Variants in SETBP1 observed in about 807,000 individuals in gnomAD.
SETBP1 encodes the protein SET-binding protein.
SETBP1 carries 9 observed loss-of-function variants against 101.0 expected under a neutral mutation model. The observed-to-expected ratio is 0.09, with a 90% CI of 0.05 to 0.16. SETBP1 has a LOEUF of 0.16. SETBP1 is among the 10% of genes least tolerant of loss of function. SETBP1 has a pLI of 1.00. For missense variants in SETBP1, 1,858 were observed against 2,033.8 expected, an observed-to-expected ratio of 0.91 and a Z score of 1.66; for synonymous variants, 818 against 788.5, an observed-to-expected ratio of 1.04 and a Z score of -0.63.
intron 2 of SETBP1, among the ~76,000 whole-genome samples, chr18:44,866,815 A>T (rs1043303310): frequency 2.4e-4 from 37 of 152,222 alleles, no homozygotes; most frequent in African/African-American, 7.2e-4. Context: ...ATAAATTCAG[A>T]TGGATAAATG....
intron 5 of SETBP1, among the ~76,000 whole-genome samples, chr18:45,043,495 G>C (rs757929307): frequency 1.3e-5 from 2 of 151,412 alleles, no homozygotes; most frequent in Non-Finnish European, 2.9e-5. Flanking sequence ...TCAACTGCTC[G>C]AGGTGTAGCT....
chr18:44,773,793 C>CCTCTCTCT (rs377709717), intron 2 of SETBP1, among the ~76,000 whole-genome samples: 42 of 133,246 alleles, frequency 3.2e-4, no homozygotes, highest in Non-Finnish European at 6.1e-4. Flanking sequence ...TCTCAACCAG[C>CCTCTCTCT]CTCTCTCTCT....
intron 2 of SETBP1, among the ~76,000 whole-genome samples, chr18:44,848,108 C>G (rs995750603): frequency 2.7e-5 from 4 of 145,978 alleles, no homozygotes; most frequent in African/African-American, 1.0e-4. Flanking sequence ...TGTGTGTAAC[C>G]TATGTAAATC....
At chr18:44,882,979 G>A (rs1326522032) in intron 3 of SETBP1, among the ~76,000 whole-genome samples, 2 of 152,162 alleles carry the variant, frequency 1.3e-5, no homozygotes, top group African/African-American at 2.4e-5. Context: ...CTGGGGACAG[G>A]AAAGACTCTC....
intron 2 of SETBP1, among the ~76,000 whole-genome samples, chr18:44,736,286 G>A (rs2069965200): frequency 6.6e-6 from 1 of 152,188 alleles, no homozygotes; most frequent in African/African-American, 2.4e-5. Flanking sequence ...TGCTGAGGAA[G>A]AAGGATCATT....
rs566663128 is a variant in SETBP1, at chr18:44,736,654, A to G, written c.486+34822A>G. On this transcript the variant is annotated intron_variant, in intron 2 of 5. Transcript: ENST00000649279. ...AAATCAGCATATATTTCAATTATAT[A>G]CAATATGATGTTGTGTATATATTTT... Among the ~76,000 whole-genome samples, 3 of 152,338 alleles carry G rather than the reference A, an allele frequency of 2.0e-5. No individual in the cohort carries two copies. In the South Asian group the frequency reaches 6.2e-4, roughly 32 times the overall value.
rs1555696149 is a variant in SETBP1, at chr18:44,885,857, C to CAAAAAAAAAAAAA, written c.540+16585_540+16586insAAAAAAAAAAAAA. ...CCCATTTCATTAAAAAAAAAAAAAA[C>CAAAAAAAAAAAAA]AAAAAAAAAAACAAGGTGACTTACC... On this transcript the variant is annotated intron_variant, in intron 3 of 5. Transcript: ENST00000649279. 2.0e-4 allele frequency among the ~76,000 whole-genome samples: 16 copies of CAAAAAAAAAAAAA among 78,172 alleles called. 1 individual carries two copies. The highest frequency in any genetic ancestry group is 4.2e-4 in the South Asian group (1 of 2,406). The allele number at this position is 78,172 out of a possible 152,430, so 51.3% of individuals were successfully genotyped here.
chr18:44,717,775 T>C (rs1220717307), intron 2 of SETBP1, among the ~76,000 whole-genome samples: 1 of 152,208 alleles, frequency 6.6e-6, no homozygotes, highest in Admixed American at 6.5e-5. Context: ...GACCTGAGGA[T>C]TCCCTTAGAA....
chr18:44,974,532 T>C (rs1356505465), intron 4 of SETBP1, among the ~76,000 whole-genome samples: 3 of 152,186 alleles, frequency 2.0e-5, no homozygotes, highest in African/African-American at 7.2e-5. Context: ...TTTGAGGTTC[T>C]AAACTAAAAG....
chr18:45,057,584 T>C (rs965954213), intron 5 of SETBP1, among the ~76,000 whole-genome samples: 1 of 152,180 alleles, frequency 6.6e-6, no homozygotes, highest in Non-Finnish European at 1.5e-5. Context: ...GAGCAATTCA[T>C]ACTGCAACTC....
intron 2 of SETBP1, among the ~76,000 whole-genome samples, chr18:44,703,943 G>A (rs2069166601): frequency 6.6e-6 from 1 of 152,196 alleles, no homozygotes. Context: ...TTCTTTGTGT[G>A]TTGTTGTATT....
At chr18:44,853,475 GAAACATCCCCATCC>G (rs2072912346) in intron 2 of SETBP1, among the ~76,000 whole-genome samples, 1 of 152,096 alleles carries the variant, frequency 6.6e-6, no homozygotes, top group African/African-American at 2.4e-5. Flanking sequence ...TACAGACATC[GAAACATCCCCATCC>G]AAACATCCCT....
chr18:44,892,950 G>A (rs1599285553), intron 3 of SETBP1, among the ~76,000 whole-genome samples: 1 of 152,168 alleles, frequency 6.6e-6, no homozygotes, highest in Admixed American at 6.5e-5. Context: ...GTAGCTCCAT[G>A]ACTTTAATAA....
intron 4 of SETBP1, among the ~76,000 whole-genome samples, chr18:45,011,327 C>G (rs2072833430): frequency 6.6e-6 from 1 of 152,168 alleles, no homozygotes; most frequent in South Asian, 2.1e-4. Flanking sequence ...GCAAGATCGT[C>G]TAGATAAATC....
At chr18:45,028,160 C>G (rs945275359) in intron 4 of SETBP1, among the ~76,000 whole-genome samples, 1 of 119,196 alleles carries the variant, frequency 8.4e-6, no homozygotes, top group Non-Finnish European at 1.7e-5. Flanking sequence ...ATCCCTCCCC[C>G]TCCCCCCACC....
At chr18:44,729,247 T>C (rs1440095442) in intron 2 of SETBP1, among the ~76,000 whole-genome samples, 1 of 152,156 alleles carries the variant, frequency 6.6e-6, no homozygotes, top group Non-Finnish European at 1.5e-5. Flanking sequence ...AAGAAGGACA[T>C]GAGCAGAGTT....
At chr18:44,824,804 G>A (rs1363594741) in intron 2 of SETBP1, among the ~76,000 whole-genome samples, 2 of 152,204 alleles carry the variant, frequency 1.3e-5, no homozygotes, top group African/African-American at 2.4e-5. Flanking sequence ...AGGAAGGGAA[G>A]GAAGTGGTGA....
At position 44,683,447 on chromosome 18, in the gene SETBP1, A is replaced by G. The variant is rs372005372; in HGVS notation, c.-173+2426A>G. 6.6e-5 allele frequency among the ~76,000 whole-genome samples: 10 copies of G among 152,354 alleles called. No homozygotes were observed. In the South Asian group the frequency reaches 1.4e-3, roughly 22 times the overall value. On this transcript the variant is annotated intron_variant, in intron 1 of 5. Coordinates refer to ENST00000649279, the MANE Select transcript of SETBP1 (RefSeq NM_015559.3). ...GCAGGAGGCAGGATTTTGCTGAAGA[A>G]GAAATAAATAGGTAGGTACTTTCCC...
intron 4 of SETBP1, among the ~76,000 whole-genome samples, chr18:44,963,460 G>A (rs543412464): frequency 6.6e-6 from 1 of 152,264 alleles, no homozygotes; most frequent in South Asian, 2.1e-4. Flanking sequence ...GAAGACACAA[G>A]TGGTGCACAA....
Sources: gnomAD v4.1 joint callset for allele counts (sites outside exome capture counted in the v4.1 genomes callset) on GRCh38, gnomAD v4.1.1 for gene constraint, MANE v1.5 for transcripts, NCBI Gene and HGNC (gene_info 2026-07-23, HGNC 2026-07-21) for gene names.